The following CSMD1 variants were observed in gnomAD, a reference collection of about 807,000 sequenced individuals.
CSMD1 encodes CUB and sushi domain-containing protein 1.
In CSMD1, 213 loss-of-function variants were observed where a neutral mutation model predicts 417.5. The observed-to-expected ratio is 0.51, with a 90% confidence interval of 0.46 to 0.57. The LOEUF is 0.57. CSMD1 is among the 20% of genes least tolerant of loss of function. The pLI, the probability that CSMD1 is intolerant of heterozygous loss-of-function variation, is 0.00. For missense variants in CSMD1, 6,923 were observed against 4,529.7 expected, an observed-to-expected ratio of 1.53 and a Z score of -15.17; for synonymous variants, 2,862 against 1,736.8, an observed-to-expected ratio of 1.65 and a Z score of -16.11.
At chr8:4,118,300 TATGG>T (rs1802277787) in intron 3 of CSMD1, among the ~76,000 whole-genome samples, 1 of 152,100 alleles carries the variant, frequency 6.6e-6, no homozygotes. Context: ...GTTCGACCTG[TATGG>T]ATGTTTACTG....
chr8:3,652,269 T>C (rs13279737), intron 7 of CSMD1, among the ~76,000 whole-genome samples: 1 of 150,592 alleles, frequency 6.6e-6, no homozygotes, highest in East Asian at 2.0e-4. Context: ...CCACCATCAG[T>C]GCGCTTACCA....
intron 5 of CSMD1, among the ~76,000 whole-genome samples, chr8:3,867,665 T>G (rs186270029): frequency 6.6e-6 from 1 of 152,160 alleles, no homozygotes; most frequent in Non-Finnish European, 1.5e-5. Flanking sequence ...TCTTGGTTAA[T>G]CTTCACAGAA....
At chr8:3,020,946 A>T (rs1238991249) in intron 51 of CSMD1, among the ~76,000 whole-genome samples, 1 of 152,222 alleles carries the variant, frequency 6.6e-6, no homozygotes, top group East Asian at 1.9e-4. Context: ...AGATTTTTAC[A>T]ATTTGTTATA....
intron 5 of CSMD1, among the ~76,000 whole-genome samples, chr8:3,755,827 C>T (rs1030426983): frequency 6.6e-6 from 1 of 152,062 alleles, no homozygotes; most frequent in Non-Finnish European, 1.5e-5. Context: ...AAGAGAAGTA[C>T]ACTGCTCAGA....
chr8:4,672,061 G>A (rs1268879510), intron 1 of CSMD1, among the ~76,000 whole-genome samples: 2 of 152,138 alleles, frequency 1.3e-5, no homozygotes, highest in African/African-American at 2.4e-5. Flanking sequence ...ACCTTTTGTT[G>A]AAAGATAGAG....
chr8:4,787,790 C>G, intron 1 of CSMD1: 18 of 1,572,622 alleles, frequency 1.1e-5, no homozygotes, highest in Non-Finnish European at 1.5e-5. Context: ...ACAGGCCAGA[C>G]TGAATTGGAT....
intron 3 of CSMD1, among the ~76,000 whole-genome samples, chr8:4,330,234 C>G (rs1448497542): frequency 6.6e-6 from 1 of 152,046 alleles, no homozygotes; most frequent in Non-Finnish European, 1.5e-5. Flanking sequence ...CCTGTCAGAT[C>G]CACCCGTCAG....
At chr8:3,796,869 C>G (rs542738447) in intron 5 of CSMD1, among the ~76,000 whole-genome samples, 1 of 151,476 alleles carries the variant, frequency 6.6e-6, no homozygotes, top group South Asian at 2.1e-4. Flanking sequence ...TCTATTGTTT[C>G]TACAAAAATG....
chr8:3,419,190 A>T (rs1553184), intron 12 of CSMD1, among the ~76,000 whole-genome samples: 2,847 of 152,286 alleles, frequency 0.019, 53 homozygotes, highest in East Asian at 0.096. Context: ...CTTATCAAGT[A>T]ACACATTTCT....
Position 3,708,484 on chromosome 8 carries a change from C to G in CSMD1, c.939G>C (p.Lys313Asn), listed in dbSNP as rs1801306245. The change falls in exon 7 of 70, where the codon AAG (lysine) becomes AAC (asparagine). Residue 313 changes from lysine (K) to asparagine (N), a missense_variant. By Grantham distance (94) the Lys-to-Asn change is moderately conservative (BLOSUM62 0). Coordinates refer to ENST00000635120, the MANE Select transcript of CSMD1 (RefSeq NM_033225.6). ...CTCCTCTTGACTTCAACTCAATCGC[C>G]TTTTTCACTGGAAGAAACAAAACCA... ...KGFNAQFQVK[K>N]AIELKSRGVK... The G allele has an allele frequency of 1.2e-6, 2 of 1,613,868 alleles. No individual in the cohort carries two copies. Among genetic ancestry groups the G allele is most frequent in the Non-Finnish European group, 8.5e-7 (1 of 1,179,844 alleles).
intron 1 of CSMD1, among the ~76,000 whole-genome samples, chr8:4,719,046 G>C (rs181238323): frequency 6.6e-6 from 1 of 152,076 alleles, no homozygotes; most frequent in Non-Finnish European, 1.5e-5. Context: ...GTTTTCACTG[G>C]TGAAGAAAAA....
intron 1 of CSMD1, among the ~76,000 whole-genome samples, chr8:4,642,416 G>C (rs1444394577): frequency 6.6e-6 from 1 of 152,150 alleles, no homozygotes; most frequent in Non-Finnish European, 1.5e-5. Context: ...CCTCTCCCGG[G>C]CTGTTGCTCT....
At chr8:4,383,336 G>C (rs780159339) in intron 3 of CSMD1, among the ~76,000 whole-genome samples, 1 of 152,138 alleles carries the variant, frequency 6.6e-6, no homozygotes, top group Non-Finnish European at 1.5e-5. Flanking sequence ...AGTCAAAGAA[G>C]ATTTTATGAT....
intron 10 of CSMD1, among the ~76,000 whole-genome samples, chr8:3,552,888 C>G (rs888582337): frequency 1.3e-5 from 2 of 151,980 alleles, no homozygotes; most frequent in Non-Finnish European, 2.9e-5. Context: ...AAAGTAAATT[C>G]TTCCACTTTC....
intron 1 of CSMD1, among the ~76,000 whole-genome samples, chr8:4,648,909 G>A (rs77579645): frequency 2.0e-5 from 3 of 152,106 alleles, no homozygotes; most frequent in Admixed American, 6.5e-5. Flanking sequence ...CCGCATATAC[G>A]TAAATCAATT....
chr8:3,513,071 T>C (rs2117406389), intron 10 of CSMD1, among the ~76,000 whole-genome samples: 1 of 152,274 alleles, frequency 6.6e-6, no homozygotes, highest in Non-Finnish European at 1.5e-5. Flanking sequence ...GATAGCTGTG[T>C]TTTCATGGTC....
At chr8:4,348,661 G>C (rs1313790150) in intron 3 of CSMD1, among the ~76,000 whole-genome samples, 3 of 150,444 alleles carry the variant, frequency 2.0e-5, no homozygotes, top group East Asian at 2.0e-4. Context: ...GAGAGAGAGA[G>C]AGAGAGAGAC....
In CSMD1 at chr8:4,407,609, T is replaced by C. The variant is rs756581290; in HGVS notation, c.415+12344A>G. Among the ~76,000 whole-genome samples, 75 of 152,330 alleles carry C rather than the reference T, an allele frequency of 4.9e-4. 1 individual carries two copies. Among genetic ancestry groups the C allele is most frequent in the Middle Eastern group, 3.4e-3 (1 of 294 alleles). Reference sequence around the variant, plus strand: ...TCACTTAAATTTCTAGGAATTTCAGTGTTAAATATATTGGAATTCATTGTA... The same window carrying C: ...TCACTTAAATTTCTAGGAATTTCAGCGTTAAATATATTGGAATTCATTGTA... On this transcript the variant is annotated intron_variant, in intron 3 of 69. Transcript: ENST00000635120.
chr8:3,504,853 T>C (rs1336043121), intron 10 of CSMD1, among the ~76,000 whole-genome samples: 1 of 152,102 alleles, frequency 6.6e-6, no homozygotes, highest in African/African-American at 2.4e-5. Context: ...TTGAGAGTCA[T>C]GTGAAAATGA....
Sources: gnomAD v4.1 joint callset for allele counts (sites outside exome capture counted in the v4.1 genomes callset) on GRCh38, gnomAD v4.1.1 for gene constraint, MANE v1.5 for transcripts, NCBI Gene and HGNC (gene_info 2026-07-23, HGNC 2026-07-21) for gene names.